The following NRG1 variants were observed in gnomAD, a reference collection of about 807,000 sequenced individuals.
The protein encoded by NRG1 is pro-neuregulin-1, membrane-bound isoform.
A neutral mutation model predicts 63.8 loss-of-function variants in NRG1; 18 were observed. That is an observed-to-expected ratio of 0.28 (90% CI 0.19 to 0.42). The LOEUF (loss-of-function observed/expected upper bound fraction) is 0.42, where lower values mean the gene tolerates loss of function less well. NRG1 is among the 10% of genes least tolerant of loss of function. NRG1 has a pLI of 1.00. For synonymous variants in NRG1, 302 were observed against 301.3 expected (o/e 1.00, Z -0.02); for missense variants, 762 against 814.7 (o/e 0.94, Z 0.79).
intron 1 of NRG1, among the ~76,000 whole-genome samples, chr8:31,704,811 G>T (rs368939740): frequency 7.1e-6 from 1 of 141,084 alleles, no homozygotes; most frequent in South Asian, 2.4e-4. Context: ...CAGCCTGGGC[G>T]ACAGAGTGAG....
At chr8:32,599,707 C>T (rs919099509) in intron 2 of NRG1, among the ~76,000 whole-genome samples, 3 of 152,088 alleles carry the variant, frequency 2.0e-5, no homozygotes, top group Admixed American at 6.6e-5. Context: ...AAAAGCTTGG[C>T]GTGTGACAGA....
intron 1 of NRG1, among the ~76,000 whole-genome samples, chr8:32,238,969 A>G (rs1340827248): frequency 2.0e-5 from 3 of 152,128 alleles, no homozygotes; most frequent in Non-Finnish European, 2.9e-5. Context: ...GGAGAAAAAC[A>G]CAGAGGTGAA....
chr8:32,760,293 T>A, exon 11 of NRG1: 1 of 1,614,034 alleles, frequency 6.2e-7, no homozygotes. Flanking sequence ...GCAGCCCAAC[T>A]GGGGGCCCAA....
At chr8:32,391,555 G>A (rs1209790695) in intron 1 of NRG1, among the ~76,000 whole-genome samples, 1 of 151,974 alleles carries the variant, frequency 6.6e-6, no homozygotes, top group East Asian at 1.9e-4. Context: ...TGCTGTTCTT[G>A]TCCTTGTGTC....
chr8:32,644,489 A>G (rs1853069672), intron 5 of NRG1, among the ~76,000 whole-genome samples: 1 of 152,132 alleles, frequency 6.6e-6, no homozygotes, highest in South Asian at 2.1e-4. Context: ...ACTAATGGAG[A>G]ATTCTTTTAT....
At chr8:32,092,664 A>G (rs985504659) in intron 1 of NRG1, among the ~76,000 whole-genome samples, 3 of 152,044 alleles carry the variant, frequency 2.0e-5, no homozygotes, top group Non-Finnish European at 4.4e-5. Context: ...TTTCATGTTC[A>G]GCACCAGATG....
intron 1 of NRG1, among the ~76,000 whole-genome samples, chr8:32,510,299 C>T (rs915437362): frequency 6.6e-6 from 1 of 151,692 alleles, no homozygotes; most frequent in African/African-American, 2.4e-5. Flanking sequence ...GAGGTCAAGG[C>T]TGCAGTGAGC....
chr8:32,023,225 T>A (rs1313437284), intron 1 of NRG1, among the ~76,000 whole-genome samples: 2 of 152,234 alleles, frequency 1.3e-5, no homozygotes, highest in Non-Finnish European at 2.9e-5. Context: ...AAATTCCTTC[T>A]GAATCACACT....
intron 1 of NRG1, among the ~76,000 whole-genome samples, chr8:32,090,810 G>A (rs1275405264): frequency 6.6e-6 from 1 of 152,148 alleles, no homozygotes; most frequent in African/African-American, 2.4e-5. Flanking sequence ...AGGGGCTGAG[G>A]TCTTCTTAGT....
chr8:31,914,854 T>G (rs1330196869), intron 1 of NRG1, among the ~76,000 whole-genome samples: 1 of 152,098 alleles, frequency 6.6e-6, no homozygotes, highest in African/African-American at 2.4e-5. Flanking sequence ...CTGGAAGAAT[T>G]AATAGGGTCA....
At chr8:32,020,735 A>T (rs75380333) in intron 1 of NRG1, among the ~76,000 whole-genome samples, 5,901 of 152,312 alleles carry the variant, frequency 0.039, 387 homozygotes, top group African/African-American at 0.13. Context: ...CTTATAAAGC[A>T]AACACTTGCA....
intron 6 of NRG1, 33 bp downstream of exon 6, chr8:32,728,111 C>G (rs757586553): frequency 6.2e-7 from 1 of 1,610,440 alleles, no homozygotes; most frequent in Non-Finnish European, 8.5e-7. Flanking sequence ...TCGCTTATGT[C>G]TATAACTCCT....
chr8:32,028,262 T>A (rs943180507), intron 1 of NRG1, among the ~76,000 whole-genome samples: 5 of 152,208 alleles, frequency 3.3e-5, no homozygotes, highest in East Asian at 1.9e-4. Flanking sequence ...TTTCTTCTAA[T>A]GACCAAACTT....
intron 1 of NRG1, among the ~76,000 whole-genome samples, chr8:31,776,581 C>T (rs1819163866): frequency 6.6e-6 from 1 of 152,038 alleles, no homozygotes; most frequent in African/African-American, 2.4e-5. Flanking sequence ...GGTACATGTG[C>T]ACAACGAGCA....
At chr8:31,723,042 C>A (rs1475706590) in intron 1 of NRG1, among the ~76,000 whole-genome samples, 1 of 152,082 alleles carries the variant, frequency 6.6e-6, no homozygotes, top group Admixed American at 6.6e-5. Context: ...TATTGATGAA[C>A]TTAGAGATTA....
intron 1 of NRG1, among the ~76,000 whole-genome samples, chr8:32,345,327 T>C (rs1440616669): frequency 6.6e-6 from 1 of 152,128 alleles, no homozygotes; most frequent in African/African-American, 2.4e-5. Context: ...AAGCTAACTA[T>C]GTAGACTGAT....
rs537710371 is a variant in NRG1 at position 32,368,239 on chromosome 8, T to C, written c.38-227589T>C. ...GTTAAAATTAGTAGCTTCTGAGTAATGAAGAGAGACTGAGCTTAATTTCTC... is the reference window on the plus strand; with the variant it reads ...GTTAAAATTAGTAGCTTCTGAGTAACGAAGAGAGACTGAGCTTAATTTCTC... On this transcript the variant is annotated intron_variant, in intron 1 of 10. Transcript: ENST00000519301. Among the ~76,000 whole-genome samples the C allele has an allele frequency of 2.0e-5, 3 of 152,328 alleles. 1 individual carries two copies. The highest frequency in any genetic ancestry group is 7.2e-5 in the African/African-American group (3 of 41,580).
At chr8:31,831,806 G>A (rs1052477012) in intron 1 of NRG1, among the ~76,000 whole-genome samples, 3 of 152,030 alleles carry the variant, frequency 2.0e-5, no homozygotes, top group African/African-American at 7.2e-5. Flanking sequence ...TTTGAGATTT[G>A]TATACAAACC....
chr8:32,308,036 C>T (rs369267041), intron 1 of NRG1, among the ~76,000 whole-genome samples: 4 of 152,138 alleles, frequency 2.6e-5, no homozygotes, highest in South Asian at 2.1e-4. Flanking sequence ...TTCTGGAAAA[C>T]GGGAACCATG....
Sources: gnomAD v4.1 joint callset for allele counts (sites outside exome capture counted in the v4.1 genomes callset) on GRCh38, gnomAD v4.1.1 for gene constraint, MANE v1.5 for transcripts, NCBI Gene and HGNC (gene_info 2026-07-23, HGNC 2026-07-21) for gene names.